MED24: variants seen among roughly 807,000 people sequenced by gnomAD.
MED24 encodes the protein mediator of RNA polymerase II transcription subunit 24.
MED24 carries 74 observed loss-of-function variants against 118.8 expected under a neutral mutation model. The ratio of observed to expected loss-of-function variants is 0.62; its 90% CI spans 0.52 to 0.76. MED24 has a LOEUF of 0.76. Among genes scored for constraint, MED24 ranks in the 30% least tolerant of loss-of-function variants. The probability of loss-of-function intolerance (pLI) is 0.00; values close to 1 mark genes in which losing one functional copy is unlikely to be tolerated. For missense variants in MED24, 1,041 were observed against 1,278.9 expected (o/e 0.81, Z 2.84); for synonymous variants, 521 against 523.9 (o/e 0.99, Z 0.08).
At chr17:40,031,324 G>A (rs928369206) in intron 11 of MED24, 79 bp from the exon 12 acceptor site, 4 of 1,377,956 alleles carry the variant, frequency 2.9e-6, no homozygotes, top group Non-Finnish European at 4.0e-6. Context: ...TCCCTGAGCA[G>A]CATCCTCCCT....
Position 40,053,393 on chromosome 17 carries a change from T to G in MED24, c.131-13A>C. 1 of 1,613,354 alleles carries G rather than the reference T, an allele frequency of 6.2e-7. No homozygotes were observed. Among genetic ancestry groups the G allele is most frequent in the Non-Finnish European group, 8.5e-7 (1 of 1,179,408 alleles). On this transcript the variant is annotated splice_polypyrimidine_tract_variant and intron_variant, in intron 2 of 25. Coordinates refer to ENST00000394128, the MANE Select transcript of MED24 (RefSeq NM_014815.4). ...TCTAGTAACGCATCTGCAAGAGGAA[T>G]AGCAAAACACAACTGAGTGATTACA...
At chr17:40,027,250 G>T in intron 16 of MED24, 133 bp downstream of exon 16, 1 of 1,168,522 alleles carries the variant, frequency 8.6e-7, no homozygotes, top group Non-Finnish European at 1.2e-6. Flanking sequence ...CTCCAGCCCG[G>T]GTGGGCACCT....
chr17:40,050,151 CAAAAAA>C (rs530636875), intron 3 of MED24, among the ~76,000 whole-genome samples: 1 of 74,104 alleles, frequency 1.3e-5, no homozygotes. Flanking sequence ...AACTCCGTCT[CAAAAAA>C]AAAAAAAAAA....
chr17:40,034,551 C>CT, intron 6 of MED24, among the ~76,000 whole-genome samples: 2 of 152,334 alleles, frequency 1.3e-5, no homozygotes, highest in South Asian at 4.1e-4. Flanking sequence ...GCCAGGTGAT[C>CT]TGTCTGTTCT....
intron 3 of MED24, among the ~76,000 whole-genome samples, chr17:40,044,565 AT>A (rs1241593218): frequency 6.6e-6 from 1 of 150,590 alleles, no homozygotes; most frequent in Non-Finnish European, 1.5e-5. Flanking sequence ...ATATGATATA[AT>A]TATTTGCCTC....
intron 15 of MED24, 24 bp from the exon 16 acceptor site, chr17:40,027,489 G>C (rs112077919): frequency 3.1e-6 from 5 of 1,596,548 alleles, no homozygotes; most frequent in African/African-American, 2.7e-5. Flanking sequence ...GGAAGGCTGA[G>C]CTCCCAGACG....
Position 40,027,052 on chromosome 17 carries a change from G to A in MED24, c.1531-18C>T, listed in dbSNP as rs1407222318. 6 of 1,613,056 alleles carry A rather than the reference G, an allele frequency of 3.7e-6. No individual in the cohort carries two copies. The African/African-American group carries it at 5.3e-5, about 14-fold the overall frequency. On this transcript the variant is annotated intron_variant, in intron 16 of 25. Transcript: ENST00000394128. Reference sequence around the variant, plus strand: ...AGAATCACCTGGGAAAGGGGAAGGGGGGCACCAGCCGAGTGGGGAGGGCGC... The same window carrying A: ...AGAATCACCTGGGAAAGGGGAAGGGAGGCACCAGCCGAGTGGGGAGGGCGC...
At position 40,032,749 on chromosome 17, in the gene MED24, G is replaced by T. The variant is rs748133866; in HGVS notation, c.836C>A (p.Pro279Gln). ...MVKRMQHIPT[P>Q]LFVLEIWKAC... ...TTTCCAGATCTCCAGGACAAAAAGTGGGGTGGGGATATGCTGTGGGAAGAG... is the reference window on the plus strand; with the variant it reads ...TTTCCAGATCTCCAGGACAAAAAGTTGGGTGGGGATATGCTGTGGGAAGAG... The change falls in exon 9 of 26, where the codon CCA becomes CAA. Residue 279 changes from proline (P) to glutamine (Q), a missense_variant. Coordinates refer to ENST00000394128, the MANE Select transcript of MED24 (RefSeq NM_014815.4). 1 of 1,613,702 alleles carries T rather than the reference G, an allele frequency of 6.2e-7. No homozygotes were observed. Among genetic ancestry groups the T allele is most frequent in the Non-Finnish European group, 8.5e-7 (1 of 1,179,884 alleles).
rs750463008 is a variant in MED24 at position 40,020,313 on chromosome 17, G to A, written c.2664C>T (p.Leu888=). ...GAGGGTCCCGCATGTTGACCGTGTG[G>A]AGCTGAGAGGCTGAGAGGGAGCTGC... The part of the protein sequence containing the change: ...SMSSSLSASQ[L]HTVNMRDPLN... The change falls in exon 24 of 26, where the codon CTC becomes CTT. Residue 888 remains leucine (L), a synonymous_variant. Transcript: ENST00000394128. 6.3e-7 allele frequency: 1 copy of A among 1,593,298 alleles called. No individual in the cohort carries two copies. The highest frequency in any genetic ancestry group is 1.7e-5 in the Admixed American group (1 of 57,580).
In MED24 at chr17:40,031,573, G is replaced by A; in HGVS notation, c.1032C>T (p.Leu344=). Residue 344 remains leucine (L), a synonymous_variant, in exon 11 of 26, where the codon CTC becomes CTT. Coordinates refer to ENST00000394128, the MANE Select transcript of MED24 (RefSeq NM_014815.4). ...GGTCAGCTTTGTCCAACAAGGGGGT[G>A]AGCTTCAGCAGGAACTCAAAAGCAC... is the stretch of plus-strand genomic sequence containing the variant. ...VNCAFEFLLK[L]TPLLDKADQR... is the part of the protein sequence containing the mutation. 1.2e-6 allele frequency: 2 copies of A among 1,614,172 alleles called. No homozygotes were observed. The highest frequency in any genetic ancestry group is 1.3e-5 in the African/African-American group (1 of 75,042).
chr17:40,023,447 A>G (rs1228983612), intron 19 of MED24, 52 bp from the exon 20 acceptor site: 2 of 1,481,344 alleles, frequency 1.4e-6, no homozygotes, highest in East Asian at 4.6e-5. Context: ...TAGGGTGGGG[A>G]GGGAGAGGAG....
chr17:40,029,920 T>A, intron 12 of MED24, 61 bp from the exon 13 acceptor site: 7 of 1,456,782 alleles, frequency 4.8e-6, no homozygotes, highest in Non-Finnish European at 6.7e-6. Context: ...TCTTGACACG[T>A]TCCCTCGTTC....
At chr17:40,052,183 C>T (rs1422304623) in intron 3 of MED24, among the ~76,000 whole-genome samples, 1 of 152,000 alleles carries the variant, frequency 6.6e-6, no homozygotes, top group Admixed American at 6.6e-5. Context: ...GTCCCAGCTA[C>T]TCGGGAGGCT....
chr17:40,022,603 C>A, intron 21 of MED24, 42 bp downstream of exon 21: 1 of 1,610,018 alleles, frequency 6.2e-7, no homozygotes, highest in Non-Finnish European at 8.5e-7. Flanking sequence ...GGTGCTTGAC[C>A]CTGGGTGGCC....
At chr17:40,034,004 C>T (rs371273781) in intron 6 of MED24, among the ~76,000 whole-genome samples, 25 of 152,250 alleles carry the variant, frequency 1.6e-4, no homozygotes, top group African/African-American at 4.6e-4. Context: ...GCCCCAGTTC[C>T]TTTAGCAACT....
At chr17:40,037,585 C>T (rs770688442) in intron 3 of MED24, among the ~76,000 whole-genome samples, 2 of 152,096 alleles carry the variant, frequency 1.3e-5, no homozygotes, top group Non-Finnish European at 2.9e-5. Flanking sequence ...TCACTAGCCC[C>T]ATATGGTTAT....
intron 3 of MED24, among the ~76,000 whole-genome samples, chr17:40,051,823 T>A (rs773885314): frequency 6.6e-6 from 1 of 152,068 alleles, no homozygotes; most frequent in African/African-American, 2.4e-5. Flanking sequence ...CTCAGGAGGC[T>A]GAGGCAGGAG....
intron 12 of MED24, 48 bp downstream of exon 12, chr17:40,031,111 A>G: frequency 6.6e-7 from 1 of 1,521,226 alleles, no homozygotes; most frequent in Non-Finnish European, 8.9e-7. Context: ...CCGTAACAAG[A>G]GAGAGGTCAA....
At chr17:40,031,849 CACTGAAGCACACGCACAT>C (rs1466122395) in intron 10 of MED24, among the ~76,000 whole-genome samples, 176 bp downstream of exon 10, 68 of 152,290 alleles carry the variant, frequency 4.5e-4, no homozygotes, top group African/African-American at 1.6e-3. Context: ...AGCACGCACA[CACTGAAGCACACGCACAT>C]GCTGAAGCAC....
Sources: allele counts gnomAD v4.1 joint callset (sites outside exome capture counted in the v4.1 genomes callset), GRCh38; gene constraint gnomAD v4.1.1; transcripts MANE v1.5; gene names NCBI Gene and HGNC (gene_info 2026-07-23, HGNC 2026-07-21).